ATG16L2: variants seen among roughly 807,000 people sequenced by gnomAD.
The protein encoded by ATG16L2 is autophagy related 16 like 2.
ATG16L2 carries 77 observed loss-of-function variants against 84.7 expected under a neutral mutation model. The observed-to-expected ratio is 0.91, with a 90% CI of 0.76 to 1.10. ATG16L2 has a LOEUF of 1.10. ATG16L2 is among the 50% of genes least tolerant of loss of function. The probability of loss-of-function intolerance (pLI) is 0.00; values close to 1 mark genes in which losing one functional copy is unlikely to be tolerated. For missense variants in ATG16L2, 782 were observed against 817.6 expected (o/e 0.96, Z 0.53); for synonymous variants, 361 against 342.8 (o/e 1.05, Z -0.59).
chr11:72,838,271 G>A (rs370575074), intron 5 of ATG16L2: 2 of 153,984 alleles, frequency 1.3e-5, no homozygotes, highest in South Asian at 4.1e-4. Context: ...CACTTTCTCA[G>A]TCTGGGGACT....
intron 5 of ATG16L2, chr11:72,840,811 A>T: frequency 8.2e-7 from 1 of 1,225,420 alleles, no homozygotes; most frequent in Non-Finnish European, 1.2e-6. Context: ...ACGGGGAAAC[A>T]TTAATTCCTT....
rs1252172656 is a variant in ATG16L2, at chr11:72,814,456, C to T, written c.11C>T (p.Pro4Leu). 1.3e-6 allele frequency: 2 copies of T among 1,503,744 alleles called. No homozygotes were observed. 93.2% of individuals were successfully genotyped at this position (1,503,744 alleles called of 1,614,324 possible). The change falls in exon 1 of 18, where the codon CCG (proline) becomes CTG (leucine). Residue 4 changes from proline to leucine, a missense_variant. By Grantham distance (98) the Pro-to-Leu change is moderately conservative (BLOSUM62 -3). Transcript: ENST00000321297. MAG[P>L]GVPGAPAARW... The stretch of plus-strand genomic sequence containing the variant: ...CGGGAGAGCGCGGCCATGGCGGGGC[C>T]GGGCGTCCCCGGTGCCCCCGCAGCG...
intron 14 of ATG16L2, among the ~76,000 whole-genome samples, chr11:72,827,558 T>G (rs1320982160): frequency 2.6e-5 from 4 of 152,364 alleles, no homozygotes; most frequent in African/African-American, 9.6e-5. Flanking sequence ...TTCCATTTAG[T>G]TACCACTTTT....
intron 2 of ATG16L2, among the ~76,000 whole-genome samples, 176 bp downstream of exon 2, chr11:72,817,003 C>T (rs1859737390): frequency 6.6e-6 from 1 of 152,258 alleles, no homozygotes; most frequent in African/African-American, 2.4e-5. Context: ...CTTGGCCTTC[C>T]CACAGGACAG....
chr11:72,835,076 G>C (rs1001309347), intron 5 of ATG16L2, among the ~76,000 whole-genome samples: 1 of 152,212 alleles, frequency 6.6e-6, no homozygotes, highest in African/African-American at 2.4e-5. Flanking sequence ...ATTGCATCAT[G>C]CATCAAGTCA....
chr11:72,816,859 G>A, intron 2 of ATG16L2, 32 bp downstream of exon 2: 3 of 1,577,548 alleles, frequency 1.9e-6, no homozygotes, highest in Non-Finnish European at 2.6e-6. Context: ...GTCACAAAGG[G>A]CTGCCTGTGC....
intron 10 of ATG16L2, 141 bp from the exon 11 acceptor site, chr11:72,826,032 A>G (rs1166335590): frequency 7.3e-6 from 5 of 684,756 alleles, no homozygotes; most frequent in Non-Finnish European, 1.2e-5. Flanking sequence ...GGCCCGCAGA[A>G]CAGACCCAGC....
chr11:72,842,727 A>G, exon 6 of ATG16L2: 1 of 1,614,026 alleles, frequency 6.2e-7, no homozygotes, highest in Non-Finnish European at 8.5e-7. Flanking sequence ...CCCTTCCCAG[A>G]AGCCATCATC....
chr11:72,834,684 G>A (rs1158401927), intron 5 of ATG16L2, among the ~76,000 whole-genome samples: 3 of 151,836 alleles, frequency 2.0e-5, no homozygotes, highest in African/African-American at 7.3e-5. Context: ...CTGGGTTCAA[G>A]CAATTCTCCT....
At chr11:72,823,413 A>G (rs1292806229) in intron 7 of ATG16L2, 3 of 326,542 alleles carry the variant, frequency 9.2e-6, no homozygotes, top group Non-Finnish European at 1.8e-5. Context: ...GTGTGCTCAC[A>G]CTTGTGGGAC....
intron 17 of ATG16L2, 149 bp downstream of exon 17, chr11:72,829,133 C>T (rs1860532549): frequency 1.8e-6 from 2 of 1,090,674 alleles, no homozygotes; most frequent in East Asian, 5.1e-5. Context: ...AAGGTACTTT[C>T]CACACGCACT....
At chr11:72,827,051 T>C in intron 13 of ATG16L2, 137 bp from the exon 14 acceptor site, 1 of 845,612 alleles carries the variant, frequency 1.2e-6, no homozygotes. Context: ...GGGTGAGCCC[T>C]GTGCTGGGAA....
chr11:72,830,684 A>C (rs369209148), downstream of ATG16L2, among the ~76,000 whole-genome samples: 22 of 152,258 alleles, frequency 1.4e-4, no homozygotes, highest in African/African-American at 5.1e-4. Context: ...AATCCTTTGG[A>C]GTTCCCCTGC....
At chr11:72,825,169 CAG>C in intron 9 of ATG16L2, 131 bp from the exon 10 acceptor site, 1 of 702,518 alleles carries the variant, frequency 1.4e-6, no homozygotes, top group African/African-American at 1.8e-5. Flanking sequence ...AGAGTGTGGA[CAG>C]AGAAACTGGG....
At chr11:72,830,250 T>A (rs1453108050), downstream of ATG16L2, among the ~76,000 whole-genome samples, 3 of 151,954 alleles carry the variant, frequency 2.0e-5, no homozygotes, top group Non-Finnish European at 4.4e-5. Flanking sequence ...GGAGACGGTG[T>A]TGGTTAAATG....
At chr11:72,829,270 G>GC (rs1860540875) in intron 17 of ATG16L2, 33 bp from the exon 18 acceptor site, 3 of 1,606,252 alleles carry the variant, frequency 1.9e-6, no homozygotes, top group Admixed American at 1.7e-5. Context: ...AGTTCCTGAA[G>GC]CCCCCCTGAA....
intron 7 of ATG16L2, 167 bp from the exon 8 acceptor site, chr11:72,823,893 A>C (rs1292138263): frequency 1.2e-6 from 1 of 804,752 alleles, no homozygotes; most frequent in East Asian, 2.4e-5. Flanking sequence ...CCTTCCTGGG[A>C]CTGATCTGGG....
intron 5 of ATG16L2, chr11:72,840,947 T>C: frequency 6.2e-7 from 1 of 1,612,860 alleles, no homozygotes; most frequent in Non-Finnish European, 8.5e-7. Flanking sequence ...TGACTCAGCA[T>C]GAAGGCTTTT....
Position 72,841,355 on chromosome 11 carries a change from A to AC in ATG16L2, c.*22-1262_*22-1261insC, listed in dbSNP as rs1282201307. 5.2e-6 allele frequency: 6 copies of AC among 1,150,318 alleles called. No homozygotes were observed. The African/African-American group carries it at 8.1e-5, about 15-fold the overall frequency. The allele number at this position is 1,150,318 out of a possible 1,614,324, so 71.3% of individuals were successfully genotyped here. A position where few individuals can be genotyped will look rare whatever the true frequency, so the allele number is the denominator to read the frequency against. On this transcript the variant is annotated intron_variant, in intron 5 of 5. Coordinates refer to the ATG16L2 transcript ENST00000534905. The stretch of plus-strand genomic sequence containing the variant: ...ACTCTGTCTCCAAAAAAAAAAAAAA[A>AC]AAAAAAAAAGCAAATGCAGTTTTTT...
Sources: allele counts gnomAD v4.1 joint callset (sites outside exome capture counted in the v4.1 genomes callset), GRCh38; gene constraint gnomAD v4.1.1; transcripts MANE v1.5; gene names NCBI Gene and HGNC (gene_info 2026-07-23, HGNC 2026-07-21).